The following DHX35 variants were observed in gnomAD, a reference collection of about 807,000 sequenced individuals.
DHX35 encodes the protein probable ATP-dependent RNA helicase DHX35.
DHX35 carries 84 observed loss-of-function variants against 99.6 expected under a neutral mutation model. The observed-to-expected ratio is 0.84, with a 90% CI of 0.71 to 1.01. DHX35 has a LOEUF of 1.01. DHX35 is among the 50% of genes least tolerant of loss of function. The probability of loss-of-function intolerance (pLI) is 0.00; values close to 1 mark genes in which losing one functional copy is unlikely to be tolerated. For missense variants in DHX35, 852 were observed against 888.5 expected (o/e 0.96, Z 0.52); for synonymous variants, 331 against 316.2 (o/e 1.05, Z -0.50).
chr20:38,967,632 T>C (rs970189078), intron 1 of DHX35, among the ~76,000 whole-genome samples: 1 of 152,226 alleles, frequency 6.6e-6, no homozygotes, highest in Non-Finnish European at 1.5e-5. Flanking sequence ...GCTAAAACTG[T>C]ATGGAACCTT....
chr20:39,026,139 A>C (rs1159398835), intron 18 of DHX35, among the ~76,000 whole-genome samples: 1 of 152,228 alleles, frequency 6.6e-6, no homozygotes, highest in Non-Finnish European at 1.5e-5. Flanking sequence ...CAGCACCATT[A>C]GTACTTGGTA....
At chr20:39,030,460 T>C (rs1225872421) in intron 19 of DHX35, 1 of 508,230 alleles carries the variant, frequency 2.0e-6, no homozygotes, top group African/African-American at 1.9e-5. Context: ...TTCCTAAATG[T>C]TTTTTCTAAG....
rs925588661 is a variant in DHX35, at chr20:38,977,802, G to C, written c.267+5151G>C. ...TTTTTTGAAGGATTCTTGTCCTTTT[G>C]ATCTTGGTGTTGGTGGTATTGAGTC... On this transcript the variant is annotated intron_variant, in intron 3 of 21. Coordinates refer to ENST00000252011, the MANE Select transcript of DHX35 (RefSeq NM_021931.4). 20 of 515,034 alleles carry C rather than the reference G, an allele frequency of 3.9e-5. No homozygotes were observed. In the Admixed American group the frequency reaches 4.8e-4, roughly 12 times the overall value. The allele number at this position is 515,034 out of a possible 1,614,324, so 31.9% of individuals were successfully genotyped here.
Position 39,003,823 on chromosome 20 carries a change from C to A in DHX35, c.927C>A (p.His309Gln), listed in dbSNP as rs759051756. 1 of 1,614,180 alleles carries A rather than the reference C, an allele frequency of 6.2e-7. No individual in the cohort carries two copies. The highest frequency in any genetic ancestry group is 8.5e-7 in the Non-Finnish European group (1 of 1,180,030). The change falls in exon 11 of 22, where the codon CAC (histidine) becomes CAA (glutamine). Residue 309 changes from histidine to glutamine, a missense_variant. Physicochemically the swap from His to Gln is conservative, Grantham distance 24 (BLOSUM62 0). Coordinates refer to ENST00000252011, the MANE Select transcript of DHX35 (RefSeq NM_021931.4). ...TAGCTCGCACTGGGATGAAGAGACACCTCCGAGTTCTCCCCATGTATGCAG... is the reference window on the plus strand; with the variant it reads ...TAGCTCGCACTGGGATGAAGAGACAACTCCGAGTTCTCCCCATGTATGCAG... ...RALARTGMKR[H>Q]LRVLPMYAGL...
At chr20:39,011,411 C>G (rs561156391) in intron 13 of DHX35, among the ~76,000 whole-genome samples, 3 of 152,212 alleles carry the variant, frequency 2.0e-5, no homozygotes, top group African/African-American at 7.2e-5. Flanking sequence ...TCTTGGCTCA[C>G]TGCAACCTCT....
intron 12 of DHX35, among the ~76,000 whole-genome samples, chr20:39,007,515 A>C (rs181860462): frequency 7.9e-5 from 12 of 152,226 alleles, no homozygotes; most frequent in Non-Finnish European, 1.6e-4. Context: ...CAGTTCCCTC[A>C]TGAAGCTACC....
rs1190714244 is a variant in DHX35, at chr20:38,971,985, G to GT, written c.175-566dup. 1.8e-3 allele frequency among the ~76,000 whole-genome samples: 169 copies of GT among 95,756 alleles called. 1 individual carries two copies. Among genetic ancestry groups the GT allele is most frequent in the Non-Finnish European group, 3.0e-3 (127 of 42,348 alleles). The allele number at this position is 95,756 out of a possible 152,430, so 62.8% of individuals were successfully genotyped here. The stretch of plus-strand genomic sequence containing the variant: ...TGTAGCAGTATGTCTATAATTTCTT[G>GT]TTTTTTTTGTTTTGTTTTGTTTTTT... On this transcript the variant is annotated intron_variant, in intron 2 of 21. Coordinates refer to ENST00000252011, the MANE Select transcript of DHX35 (RefSeq NM_021931.4).
Position 39,018,170 on chromosome 20 carries a change from G to T in DHX35, c.1403-634G>T, listed in dbSNP as rs574506863. Among the ~76,000 whole-genome samples, 28 of 152,244 alleles carry T rather than the reference G, an allele frequency of 1.8e-4. 1 individual carries two copies. In the South Asian group the frequency reaches 5.6e-3, roughly 30 times the overall value. On this transcript the variant is annotated intron_variant, in intron 14 of 21. Coordinates refer to ENST00000252011, the MANE Select transcript of DHX35 (RefSeq NM_021931.4). ...GTTTACAATTCAAGGTGAGATTTGGGTGGGAACACAGCCAAACCATATCAC... is the reference window on the plus strand; with the variant it reads ...GTTTACAATTCAAGGTGAGATTTGGTTGGGAACACAGCCAAACCATATCAC...
At position 39,006,195 on chromosome 20, in the gene DHX35, TTGTGTA is replaced by T. The variant is rs2086613640; in HGVS notation, c.1066_1071del (p.Tyr356_Val357del). 1 of 1,613,990 alleles carries T rather than the reference TTGTGTA, an allele frequency of 6.2e-7. No individual in the cohort carries two copies. The highest frequency in any genetic ancestry group is 1.3e-5 in the African/African-American group (1 of 74,924). ...GAAACCTCTATCACAATCAGCGGCA[TTGTGTA>T]TGTGATCGACTGTGGCTTTGTGAAA... On this transcript the variant is annotated inframe_deletion, in exon 12 of 22. Coordinates refer to ENST00000252011, the MANE Select transcript of DHX35 (RefSeq NM_021931.4).
intron 14 of DHX35, 85 bp from the exon 15 acceptor site, chr20:39,018,719 C>A: frequency 7.6e-7 from 1 of 1,308,138 alleles, no homozygotes; most frequent in Non-Finnish European, 1.1e-6. Context: ...TTTTAGCATA[C>A]ATTATCTTTT....
intron 16 of DHX35, among the ~76,000 whole-genome samples, chr20:39,022,489 G>T (rs2086890012): frequency 6.6e-6 from 1 of 152,152 alleles, no homozygotes; most frequent in Admixed American, 6.5e-5. Flanking sequence ...GGCATAGAGA[G>T]GTTAGGTAAC....
intron 3 of DHX35, chr20:38,977,945 C>A (rs752507276): frequency 4.2e-5 from 26 of 616,882 alleles, no homozygotes; most frequent in Non-Finnish European, 6.7e-5. Flanking sequence ...TTAGCAGCAG[C>A]AGCAAGTTTT....
At chr20:39,029,507 C>T (rs2087011323) in intron 19 of DHX35, 2 of 151,166 alleles carry the variant, frequency 1.3e-5, no homozygotes, top group Non-Finnish European at 2.9e-5. Flanking sequence ...CTTTGTTACT[C>T]CAGGCATGTT....
At position 39,029,699 on chromosome 20, in the gene DHX35, A is replaced by G. The variant is rs930760315; in HGVS notation, c.1884-1005A>G. 8 of 152,054 alleles carry G rather than the reference A, an allele frequency of 5.3e-5. No individual in the cohort carries two copies. The East Asian group carries it at 7.7e-4, about 15-fold the overall frequency. The allele number at this position is 152,054 out of a possible 1,614,324, so 9.4% of individuals were successfully genotyped here. On this transcript the variant is annotated intron_variant, in intron 19 of 21. Transcript: ENST00000252011. ...CTCCTACTCTCCTGGAGAGTTAGCAATTTTGACTAGCGTTTGGAAAATTCT... is the reference window on the plus strand; with the variant it reads ...CTCCTACTCTCCTGGAGAGTTAGCAGTTTTGACTAGCGTTTGGAAAATTCT...
At chr20:38,984,137 C>T (rs376334105) in intron 4 of DHX35, among the ~76,000 whole-genome samples, 1 of 151,830 alleles carries the variant, frequency 6.6e-6, no homozygotes, top group Non-Finnish European at 1.5e-5. Context: ...TTCTCAAACT[C>T]CTGATCTTGT....
intron 14 of DHX35, among the ~76,000 whole-genome samples, chr20:39,015,831 C>T (rs1050867693): frequency 4.6e-5 from 7 of 152,142 alleles, no homozygotes; most frequent in East Asian, 1.9e-4. Flanking sequence ...TACCCATTAG[C>T]GCCGAACTTC....
intron 14 of DHX35, 106 bp downstream of exon 14, chr20:39,015,040 G>C: frequency 7.8e-7 from 1 of 1,288,946 alleles, no homozygotes; most frequent in Non-Finnish European, 1.1e-6. Flanking sequence ...GAATGGGATT[G>C]GTTCTCCCCA....
At position 38,972,604 on chromosome 20, in the gene DHX35, G is replaced by T. The variant is rs780411389; in HGVS notation, c.220G>T (p.Val74Leu). 4.3e-6 allele frequency: 7 copies of T among 1,612,838 alleles called. No homozygotes were observed. The highest frequency in any genetic ancestry group is 1.7e-4 in the Middle Eastern group (1 of 6,056). ...CTTGATAGAAAATTATCAGACAGTG[G>T]TGATTGTTGGTGAAACAGGATGTGG... is the stretch of plus-strand genomic sequence containing the variant. ...LYLIENYQTVVIVGETGCGKS... is the reference protein window; with the variant it reads ...LYLIENYQTVLIVGETGCGKS... Residue 74 changes from valine (V) to leucine (L), a missense_variant, in exon 3 of 22, where the codon GTG (valine) becomes TTG (leucine). Coordinates refer to ENST00000252011, the MANE Select transcript of DHX35 (RefSeq NM_021931.4).
rs2086937263 is a variant in DHX35, at chr20:39,025,272, T to G, written c.1714T>G (p.Tyr572Asp). The change falls in exon 18 of 22, where the codon TAC (tyrosine) becomes GAC (aspartate). Residue 572 changes from tyrosine (Y) to aspartate (D), a missense_variant. Tyr to Asp is a radical substitution (Grantham distance 160, BLOSUM62 -3). Coordinates refer to ENST00000252011, the MANE Select transcript of DHX35 (RefSeq NM_021931.4). ...ATGGTGTCAGGAACATTTCCTGAAT[T>G]ACAAGGGTCTTGTCAGAGCTGCGAC... ...SKWCQEHFLNYKGLVRAATVR... is the reference protein window; with the variant it reads ...SKWCQEHFLNDKGLVRAATVR... The G allele has an allele frequency of 1.2e-6, 2 of 1,613,532 alleles. No individual in the cohort carries two copies. Among genetic ancestry groups the G allele is most frequent in the Non-Finnish European group, 1.7e-6 (2 of 1,179,738 alleles).
Sources: gnomAD v4.1 joint callset for allele counts (sites outside exome capture counted in the v4.1 genomes callset) on GRCh38, gnomAD v4.1.1 for gene constraint, MANE v1.5 for transcripts, NCBI Gene and HGNC (gene_info 2026-07-23, HGNC 2026-07-21) for gene names.